The following TBC1D15 variants were observed in gnomAD, a reference collection of about 807,000 sequenced individuals.
The protein encoded by TBC1D15 is TBC1 domain family member 15, also known as GAP for RAB7.
A neutral mutation model predicts 95.4 loss-of-function variants in TBC1D15; 39 were observed. The ratio of observed to expected loss-of-function variants is 0.41; its 90% confidence interval spans 0.32 to 0.53. The LOEUF is 0.53. Ranked by LOEUF, TBC1D15 falls within the 20% of genes least tolerant of loss-of-function variation. The pLI, the probability that TBC1D15 is intolerant of heterozygous loss-of-function variation, is 0.29. For missense variants in TBC1D15, 733 were observed against 794.3 expected, an observed-to-expected ratio of 0.92 and a Z score of 0.93; for synonymous variants, 258 against 261.3, an observed-to-expected ratio of 0.99 and a Z score of 0.12.
chr12:71,896,648 C>T (rs571114741), intron 8 of TBC1D15, 29 bp from the exon 9 acceptor site: 16 of 1,548,716 alleles, frequency 1.0e-5, no homozygotes, highest in Non-Finnish European at 1.2e-5. Flanking sequence ...CTTTTTCATT[C>T]ATGTATTTAA....
At chr12:71,872,875 T>C in intron 2 of TBC1D15, 54 bp from the exon 3 acceptor site, 1 of 1,296,776 alleles carries the variant, frequency 7.7e-7, no homozygotes, top group Non-Finnish European at 1.1e-6. Flanking sequence ...AATAAAATAA[T>C]TAAGAATAAC....
chr12:71,888,543 A>G (rs1592766638), intron 5 of TBC1D15, among the ~76,000 whole-genome samples: 1 of 152,092 alleles, frequency 6.6e-6, no homozygotes, highest in South Asian at 2.1e-4. Context: ...TGACATTATA[A>G]TAATTCACCC....
intron 1 of TBC1D15, among the ~76,000 whole-genome samples, chr12:71,868,604 A>G (rs1565975658): frequency 1.3e-5 from 2 of 152,162 alleles, no homozygotes; most frequent in Non-Finnish European, 2.9e-5. Flanking sequence ...CCCCAGCTAA[A>G]CTACTTAGGA....
intron 11 of TBC1D15, among the ~76,000 whole-genome samples, chr12:71,912,851 A>T (rs1385791276): frequency 6.6e-6 from 1 of 152,158 alleles, no homozygotes; most frequent in South Asian, 2.1e-4. Flanking sequence ...ATAACGTTTA[A>T]GTAAAAAGGC....
At chr12:71,848,132 A>G (rs546914293) in intron 1 of TBC1D15, among the ~76,000 whole-genome samples, 1 of 152,280 alleles carries the variant, frequency 6.6e-6, no homozygotes, top group South Asian at 2.1e-4. Context: ...AAATAAAATA[A>G]ATTAAAGCTG....
rs534969184 is a variant in TBC1D15, at chr12:71,897,062, T to C, written c.1088+282T>C. On this transcript the variant is annotated intron_variant, in intron 9 of 16. Transcript: ENST00000485960. ...GCCTTTTGCATACTTGAAAGATAACTACGTAGACATACACTTAAAAACATC... is the reference window on the plus strand; with the variant it reads ...GCCTTTTGCATACTTGAAAGATAACCACGTAGACATACACTTAAAAACATC... Among the ~76,000 whole-genome samples, 8 of 152,268 alleles carry C rather than the reference T, an allele frequency of 5.3e-5. No homozygotes were observed. In the South Asian group the frequency reaches 1.7e-3, roughly 32 times the overall value.
intron 11 of TBC1D15, among the ~76,000 whole-genome samples, chr12:71,910,659 T>G (rs1902012809): frequency 6.6e-6 from 1 of 152,176 alleles, no homozygotes; most frequent in South Asian, 2.1e-4. Context: ...TTTGGCTCTC[T>G]GTTTGTCTGT....
chr12:71,894,981 C>T, intron 7 of TBC1D15, 98 bp downstream of exon 7: 1 of 1,183,288 alleles, frequency 8.5e-7, no homozygotes, highest in South Asian at 1.6e-5. Flanking sequence ...TGCTTCTTTC[C>T]ATAATCTGTT....
intron 10 of TBC1D15, among the ~76,000 whole-genome samples, chr12:71,904,385 T>G (rs1900171629): frequency 1.3e-5 from 2 of 152,208 alleles, no homozygotes; most frequent in African/African-American, 4.8e-5. Flanking sequence ...CCTACAGCTC[T>G]TTCAAGGAGT....
At chr12:71,858,618 A>G (rs777336752) in intron 1 of TBC1D15, among the ~76,000 whole-genome samples, 8 of 148,896 alleles carry the variant, frequency 5.4e-5, no homozygotes, top group South Asian at 2.1e-4. Flanking sequence ...CAGTAATGCA[A>G]TCTTGCCTCA....
intron 11 of TBC1D15, chr12:71,907,417 A>G (rs1205369086): frequency 4.9e-6 from 1 of 204,384 alleles, no homozygotes; most frequent in Admixed American, 5.4e-5. Context: ...AAATAGCTAA[A>G]GGTTTTAACA....
At chr12:71,894,586 T>G in intron 6 of TBC1D15, 100 bp from the exon 7 acceptor site, 2 of 1,186,224 alleles carry the variant, frequency 1.7e-6, no homozygotes, top group Non-Finnish European at 1.2e-6. Flanking sequence ...TAGTCCTGAT[T>G]TCTTTTCTTT....
In TBC1D15 at chr12:71,853,530, A is replaced by C. The variant is rs77401885; in HGVS notation, c.30+13719A>C. ...TAATACTTTAATATCCTTCACTACT[A>C]TTTGTGTTGTTTTGTGGTCAATTGT... On this transcript the variant is annotated intron_variant, in intron 1 of 16. Coordinates refer to ENST00000485960, the MANE Select transcript of TBC1D15 (RefSeq NM_001146213.3). Among the ~76,000 whole-genome samples, 349 of 152,158 alleles carry C rather than the reference A, an allele frequency of 2.3e-3. 1 individual carries two copies. Among genetic ancestry groups the C allele is most frequent in the African/African-American group, 8.0e-3 (330 of 41,500 alleles).
rs761552673 is a variant in TBC1D15, at chr12:71,872,150, A to G, written c.111A>G (p.Ile37Met). The G allele has an allele frequency of 6.4e-7, 1 of 1,572,432 alleles. No individual in the cohort carries two copies. The highest frequency in any genetic ancestry group is 8.6e-7 in the Non-Finnish European group (1 of 1,161,074). Residue 37 changes from isoleucine (I) to methionine (M), a missense_variant, in exon 2 of 17, where the codon ATA (isoleucine) becomes ATG (methionine). Ile to Met is a conservative substitution (Grantham distance 10). Coordinates refer to ENST00000485960, the MANE Select transcript of TBC1D15 (RefSeq NM_001146213.3). The part of the protein sequence containing the change: ...TNDQDGLISG[I>M]LRVLEKDAEV... The stretch of plus-strand genomic sequence containing the variant: ...ACCAAGACGGCTTGATTTCAGGAAT[A>G]TTACGTGTTTTAGAAAAGGTAAGTT...
At chr12:71,904,682 G>A (rs1484154842) in intron 10 of TBC1D15, among the ~76,000 whole-genome samples, 1 of 152,148 alleles carries the variant, frequency 6.6e-6, no homozygotes, top group Non-Finnish European at 1.5e-5. Context: ...AGGAGAGCAG[G>A]GAGACTATAT....
intron 14 of TBC1D15, 51 bp downstream of exon 14, chr12:71,918,599 A>G (rs1868257742): frequency 8.2e-7 from 1 of 1,219,636 alleles, no homozygotes; most frequent in Non-Finnish European, 1.2e-6. Flanking sequence ...GAAAAGAAAC[A>G]ATTTATTCTG....
chr12:71,854,894 CA>C (rs1888674440), intron 1 of TBC1D15: 1 of 455,454 alleles, frequency 2.2e-6, no homozygotes, highest in South Asian at 1.6e-5. Context: ...TGTTTTCCAT[CA>C]GACAAAATTC....
At chr12:71,861,423 A>G in intron 1 of TBC1D15, 2 of 1,490,442 alleles carry the variant, frequency 1.3e-6, no homozygotes, top group South Asian at 1.4e-5. Context: ...TTTCTTCTTG[A>G]TTCAATCTTG....
chr12:71,922,927 T>G, intron 16 of TBC1D15, 56 bp from the exon 17 acceptor site: 1 of 1,504,462 alleles, frequency 6.6e-7, no homozygotes, highest in Non-Finnish European at 9.2e-7. Context: ...TGTTACTTTG[T>G]GGTTATTTTT....
Sources: gnomAD v4.1 joint callset for allele counts (sites outside exome capture counted in the v4.1 genomes callset) on GRCh38, gnomAD v4.1.1 for gene constraint, MANE v1.5 for transcripts, NCBI Gene and HGNC (gene_info 2026-07-23, HGNC 2026-07-21) for gene names.